Variants in ST8SIA4 observed in about 807,000 individuals in gnomAD.
The protein encoded by ST8SIA4 is ST8 alpha-N-acetyl-neuraminide alpha-2,8-sialyltransferase 4.
ST8SIA4 carries 15 observed loss-of-function variants against 33.9 expected under a neutral mutation model. The observed-to-expected ratio is 0.44, with a 90% CI of 0.30 to 0.68. The LOEUF is 0.68. Ranked by LOEUF, ST8SIA4 falls within the 30% of genes least tolerant of loss-of-function variation. The pLI is 0.10. For missense variants in ST8SIA4, 321 were observed against 428.0 expected (o/e 0.75, Z 2.21); for synonymous variants, 171 against 151.2 (o/e 1.13, Z -0.96).
chr5:100,902,613 C>T (rs1423634011), intron 1 of ST8SIA4, among the ~76,000 whole-genome samples: 1 of 152,166 alleles, frequency 6.6e-6, no homozygotes, highest in Non-Finnish European at 1.5e-5. Flanking sequence ...CACCCAGGGC[C>T]AACACAACTG....
At chr5:100,881,237 C>T (rs1752416764) in intron 3 of ST8SIA4, among the ~76,000 whole-genome samples, 1 of 152,126 alleles carries the variant, frequency 6.6e-6, no homozygotes, top group Admixed American at 6.5e-5. Context: ...TTTATAAACT[C>T]TGTTTGAATT....
At chr5:100,857,570 G>T (rs1204103446) in intron 3 of ST8SIA4, among the ~76,000 whole-genome samples, 1 of 151,664 alleles carries the variant, frequency 6.6e-6, no homozygotes, top group Non-Finnish European at 1.5e-5. Context: ...TCAAGGGAAG[G>T]GATTTTCTTT....
At chr5:100,868,490 C>T (rs953612234) in intron 3 of ST8SIA4, among the ~76,000 whole-genome samples, 5 of 151,982 alleles carry the variant, frequency 3.3e-5, no homozygotes, top group African/African-American at 2.4e-5. Context: ...TTTATCAATT[C>T]TCTGTTTCAG....
chr5:100,851,720 GT>G (rs1327187269), intron 4 of ST8SIA4, among the ~76,000 whole-genome samples: 1 of 151,968 alleles, frequency 6.6e-6, no homozygotes, highest in African/African-American at 2.4e-5. Context: ...TCTCGTCATA[GT>G]TTGATATTGA....
At chr5:100,862,721 T>A (rs990676117) in intron 3 of ST8SIA4, among the ~76,000 whole-genome samples, 1 of 152,250 alleles carries the variant, frequency 6.6e-6, no homozygotes, top group East Asian at 1.9e-4. Flanking sequence ...TTATTGAACA[T>A]TTGTTATGTG....
At chr5:100,833,941 A>C (rs1054264672) in intron 4 of ST8SIA4, among the ~76,000 whole-genome samples, 3 of 152,188 alleles carry the variant, frequency 2.0e-5, no homozygotes, top group Non-Finnish European at 2.9e-5. Context: ...TATCTAATTC[A>C]AATGTGCATC....
intron 4 of ST8SIA4, chr5:100,849,076 CT>C (rs1484410701): frequency 1.2e-6 from 1 of 868,958 alleles, no homozygotes; most frequent in African/African-American, 1.8e-5. Flanking sequence ...AGAAAGCTAT[CT>C]TTATTATCAT....
At chr5:100,841,627 T>C (rs955551606) in intron 4 of ST8SIA4, among the ~76,000 whole-genome samples, 7 of 151,856 alleles carry the variant, frequency 4.6e-5, no homozygotes, top group African/African-American at 1.4e-4. Flanking sequence ...CTTTTGTTGC[T>C]TCATTCCTTC....
At chr5:100,886,174 A>G in intron 3 of ST8SIA4, 169 bp downstream of exon 3, 1 of 1,411,266 alleles carries the variant, frequency 7.1e-7, no homozygotes, top group Non-Finnish European at 9.2e-7. Flanking sequence ...AATAATTATA[A>G]TATTCTATTC....
chr5:100,876,471 C>CT (rs1008026685), intron 3 of ST8SIA4, among the ~76,000 whole-genome samples: 1 of 151,956 alleles, frequency 6.6e-6, no homozygotes, highest in African/African-American at 2.4e-5. Context: ...AGGACATTAT[C>CT]TTTTTTTATA....
In ST8SIA4 at chr5:100,810,862, G is replaced by C. The variant is rs1750800738; in HGVS notation, c.*985C>G. Reference sequence around the variant, plus strand: ...CACTGGAAAATAACATGGAGGTTTAGAGCCGTGCAAAATAAAACTTTTTTA... The same window carrying C: ...CACTGGAAAATAACATGGAGGTTTACAGCCGTGCAAAATAAAACTTTTTTA... On this transcript the variant is annotated 3_prime_UTR_variant, in exon 5 of 5. Coordinates refer to ENST00000231461, the MANE Select transcript of ST8SIA4 (RefSeq NM_005668.6). The C allele has an allele frequency of 1.3e-5, 2 of 152,556 alleles. No individual in the cohort carries two copies. The highest frequency in any genetic ancestry group is 6.6e-5 in the Admixed American group (1 of 15,260). 9.5% of individuals were successfully genotyped at this position (152,556 alleles called of 1,614,324 possible).
intron 3 of ST8SIA4, among the ~76,000 whole-genome samples, chr5:100,873,936 A>G (rs1752252212): frequency 6.6e-6 from 1 of 152,182 alleles, no homozygotes; most frequent in Non-Finnish European, 1.5e-5. Context: ...CTTGAAAGAT[A>G]ACTACAGAAA....
intron 4 of ST8SIA4, among the ~76,000 whole-genome samples, chr5:100,855,250 G>A (rs1349680973): frequency 3.3e-5 from 5 of 152,096 alleles, no homozygotes; most frequent in Admixed American, 1.3e-4. Context: ...CAGTTCAAAT[G>A]TTTGGTCCAC....
intron 4 of ST8SIA4, among the ~76,000 whole-genome samples, chr5:100,851,159 CCATGTTGGCCAGGCTG>C (rs1232534234): frequency 6.6e-6 from 1 of 151,494 alleles, no homozygotes; most frequent in Non-Finnish European, 1.5e-5. Context: ...CGGGGTTTCC[CCATGTTGGCCAGGCTG>C]GTCTCAAACT....
intron 2 of ST8SIA4, among the ~76,000 whole-genome samples, chr5:100,887,543 T>C (rs891372499): frequency 3.3e-5 from 5 of 151,982 alleles, no homozygotes; most frequent in African/African-American, 9.7e-5. Context: ...AATATATAAA[T>C]TGATAACAGA....
chr5:100,807,885 T>C lies in ST8SIA4; in HGVS notation c.*3962A>G, dbSNP rs1311059931. On this transcript the variant is annotated 3_prime_UTR_variant, in exon 5 of 5. Coordinates refer to ENST00000231461, the MANE Select transcript of ST8SIA4 (RefSeq NM_005668.6). ...ACTATATAGGTATATCTATAGCACA[T>C]ATATAATAAAATATCTATTTCTAGG... The C allele has an allele frequency of 1.3e-5, 2 of 152,568 alleles. No homozygotes were observed. The highest frequency in any genetic ancestry group is 2.9e-5 in the Non-Finnish European group (2 of 67,966). The allele number at this position is 152,568 out of a possible 1,614,324, so 9.5% of individuals were successfully genotyped here. A position where few individuals can be genotyped will look rare whatever the true frequency, so the allele number is the denominator to read the frequency against.
chr5:100,809,462 A>G lies in ST8SIA4; in HGVS notation c.*2385T>C, dbSNP rs1750772045. 6.6e-6 allele frequency: 1 copy of G among 151,798 alleles called. No homozygotes were observed. The highest frequency in any genetic ancestry group is 6.6e-5 in the Admixed American group (1 of 15,206). 9.4% of individuals were successfully genotyped at this position (151,798 alleles called of 1,614,324 possible). On this transcript the variant is annotated 3_prime_UTR_variant, in exon 5 of 5. Transcript: ENST00000231461. ...GAGACTCCATCTCAAAAAAAAAAAAAAAAGAAAAAAGAAAAAGGAAGAAAA... is the reference window on the plus strand; with the variant it reads ...GAGACTCCATCTCAAAAAAAAAAAAGAAAGAAAAAAGAAAAAGGAAGAAAA...
chr5:100,901,302 C>T (rs1364037242), intron 1 of ST8SIA4, among the ~76,000 whole-genome samples: 1 of 152,222 alleles, frequency 6.6e-6, no homozygotes, highest in East Asian at 1.9e-4. Context: ...CCTCGGAGTC[C>T]TAGTGAGCCT....
chr5:100,893,543 G>A (rs1752717494), intron 2 of ST8SIA4, among the ~76,000 whole-genome samples: 1 of 152,028 alleles, frequency 6.6e-6, no homozygotes, highest in Non-Finnish European at 1.5e-5. Context: ...TCATTGATTT[G>A]TAAAATTGTA....
Sources: gnomAD v4.1 joint callset for allele counts (sites outside exome capture counted in the v4.1 genomes callset) on GRCh38, gnomAD v4.1.1 for gene constraint, MANE v1.5 for transcripts, NCBI Gene and HGNC (gene_info 2026-07-23, HGNC 2026-07-21) for gene names.